SLC28A3: variants seen among roughly 807,000 people sequenced by gnomAD.
SLC28A3 encodes solute carrier family 28 member 3, also known as concentrative Na(+)-nucleoside cotransporter 3.
SLC28A3 carries 68 observed loss-of-function variants against 84.2 expected under a neutral mutation model. The ratio of observed to expected loss-of-function variants is 0.81; its 90% CI spans 0.66 to 0.99. The LOEUF (loss-of-function observed/expected upper bound fraction) is 0.99. SLC28A3 is among the 50% of genes least tolerant of loss of function. The probability of loss-of-function intolerance (pLI) is 0.00; values close to 1 mark genes in which losing one functional copy is unlikely to be tolerated. For missense variants in SLC28A3, 712 were observed against 841.5 expected (o/e 0.85, Z 1.90); for synonymous variants, 267 against 303.6 (o/e 0.88, Z 1.25).
Position 84,290,172 on chromosome 9 carries a change from A to G in SLC28A3, c.1131T>C (p.Gly377=), listed in dbSNP as rs774589116. The change falls in exon 11 of 18, where the codon GGT becomes GGC. Residue 377 remains glycine, a synonymous_variant. Transcript: ENST00000376238. ...GFSTIAGSVL[G]AYISFGVPSS... ...TTCTTACCCCAAAAGAAATGTATGC[A>G]CCTAGCACGCTTCCAGCAATGGTAG... 2.0e-5 allele frequency: 32 copies of G among 1,614,040 alleles called. No homozygotes were observed. Among genetic ancestry groups the G allele is most frequent in the Non-Finnish European group, 2.6e-5 (31 of 1,180,002 alleles).
chr9:84,336,924 C>T (rs1826996170), intron 1 of SLC28A3, among the ~76,000 whole-genome samples: 1 of 152,164 alleles, frequency 6.6e-6, no homozygotes. Context: ...AAGCCCTAAT[C>T]AAATTCTCCC....
chr9:84,285,485 C>T lies in SLC28A3; in HGVS notation c.1507G>A (p.Asp503Asn). The T allele has an allele frequency of 6.2e-7, 1 of 1,614,176 alleles. No individual in the cohort carries two copies. The highest frequency in any genetic ancestry group is 8.5e-7 in the Non-Finnish European group (1 of 1,180,028). Residue 503 changes from aspartate to asparagine, a missense_variant, in exon 14 of 18, where the codon GAC (aspartate) becomes AAC (asparagine). Transcript: ENST00000376238. ...ATGAGTCTGGCAACCATAAAGCTGT[C>T]CTGCCATTCCACTCCCATCATGAAG... ...FSFMMGVEWQ[D>N]SFMVARLIGY...
At chr9:84,318,567 C>T (rs1826250829) in intron 1 of SLC28A3, among the ~76,000 whole-genome samples, 1 of 152,024 alleles carries the variant, frequency 6.6e-6, no homozygotes, top group Admixed American at 6.6e-5. Flanking sequence ...CATGTGAGTC[C>T]TCATAGAATA....
intron 1 of SLC28A3, among the ~76,000 whole-genome samples, chr9:84,325,059 T>C (rs965770393): frequency 2.0e-5 from 3 of 152,254 alleles, no homozygotes; most frequent in African/African-American, 7.2e-5. Context: ...GCTTAACTTA[T>C]CATTGGTTTT....
rs923290744 is a variant in SLC28A3, at chr9:84,276,597, C to T, written c.*1621G>A. Reference sequence around the variant, plus strand: ...ACATTGAGAATGGGGGGAAAACATGCAAATATATTTTCCTAAAATAAAGTC... The same window carrying T: ...ACATTGAGAATGGGGGGAAAACATGTAAATATATTTTCCTAAAATAAAGTC... On this transcript the variant is annotated 3_prime_UTR_variant, in exon 18 of 18. Transcript: ENST00000376238. 1 of 152,056 alleles carries T rather than the reference C, an allele frequency of 6.6e-6. No individual in the cohort carries two copies. The highest frequency in any genetic ancestry group is 2.4e-5 in the African/African-American group (1 of 41,410). 9.4% of individuals were successfully genotyped at this position (152,056 alleles called of 1,614,324 possible).
chr9:84,352,901 A>G, the SLC28A3 span, among the ~76,000 whole-genome samples: 1 of 151,356 alleles, frequency 6.6e-6, no homozygotes, highest in Non-Finnish European at 1.5e-5. Context: ...TCAAAAAAAA[A>G]AAAAAAAAAA....
the SLC28A3 span, among the ~76,000 whole-genome samples, chr9:84,363,180 T>C: frequency 5.4e-5 from 8 of 149,182 alleles, no homozygotes; most frequent in South Asian, 1.5e-3. Context: ...TCTACTAGTA[T>C]GTAAATAAAG....
intron 4 of SLC28A3, among the ~76,000 whole-genome samples, chr9:84,303,717 G>T (rs1295878627): frequency 6.6e-6 from 1 of 152,166 alleles, no homozygotes; most frequent in Non-Finnish European, 1.5e-5. Context: ...AGTCTTGGAG[G>T]ATGCACAGTG....
chr9:84,296,365 G>A (rs1034266094), intron 8 of SLC28A3, among the ~76,000 whole-genome samples: 6 of 152,162 alleles, frequency 3.9e-5, no homozygotes, highest in African/African-American at 1.2e-4. Flanking sequence ...CTGGTTTAAC[G>A]TTTTAGGCTG....
At chr9:84,304,122 A>C (rs1825715994) in intron 4 of SLC28A3, among the ~76,000 whole-genome samples, 1 of 152,212 alleles carries the variant, frequency 6.6e-6, no homozygotes. Flanking sequence ...TCTAGAAATA[A>C]AGTTGTTTTG....
chr9:84,337,868 G>A (rs988743306), intron 1 of SLC28A3, among the ~76,000 whole-genome samples: 27 of 152,022 alleles, frequency 1.8e-4, no homozygotes, highest in African/African-American at 6.3e-4. Flanking sequence ...TGCTCTAGCT[G>A]TGAAATCCTT....
intron 1 of SLC28A3, among the ~76,000 whole-genome samples, chr9:84,328,812 C>T (rs1291122618): frequency 6.6e-6 from 1 of 152,060 alleles, no homozygotes; most frequent in African/African-American, 2.4e-5. Flanking sequence ...CCTGTAGTCC[C>T]AGCTACTCAG....
chr9:84,329,509 T>C (rs950142876), intron 1 of SLC28A3, among the ~76,000 whole-genome samples: 1 of 152,174 alleles, frequency 6.6e-6, no homozygotes, highest in Non-Finnish European at 1.5e-5. Context: ...TGAAAGATAA[T>C]GTGTCTTCCC....
intron 10 of SLC28A3, 116 bp downstream of exon 10, chr9:84,292,552 A>T: frequency 2.7e-6 from 2 of 748,914 alleles, no homozygotes; most frequent in Non-Finnish European, 4.2e-6. Context: ...GGGGTTTCTT[A>T]TTTTGACACC....
At chr9:84,280,348 G>A (rs1450141720) in intron 15 of SLC28A3, among the ~76,000 whole-genome samples, 1 of 152,148 alleles carries the variant, frequency 6.6e-6, no homozygotes, top group Non-Finnish European at 1.5e-5. Flanking sequence ...CATCCAAAGG[G>A]CTATTTATTG....
chr9:84,290,075 C>T lies in SLC28A3; in HGVS notation c.1149+79G>A. The stretch of plus-strand genomic sequence containing the variant: ...ACACTCTCTTGGCCTCCTTTTTCCA[C>T]CAGCAATGGAAAAGAAAAGAAATAA... On this transcript the variant is annotated intron_variant, in intron 11 of 17. Transcript: ENST00000376238. 6.5e-6 allele frequency: 10 copies of T among 1,546,036 alleles called. No homozygotes were observed. The South Asian group carries it at 8.6e-5, about 13-fold the overall frequency.
In SLC28A3 at chr9:84,276,262, A is replaced by G. The variant is rs1037529585; in HGVS notation, c.*1956T>C. On this transcript the variant is annotated 3_prime_UTR_variant, in exon 18 of 18. Coordinates refer to ENST00000376238, the MANE Select transcript of SLC28A3 (RefSeq NM_001199633.2). ...GCAAACCAGACAGACTTAGTTTCATAAGAATGAAAAATATCTTACTGAAAT... is the reference window on the plus strand; with the variant it reads ...GCAAACCAGACAGACTTAGTTTCATGAGAATGAAAAATATCTTACTGAAAT... The G allele has an allele frequency of 6.6e-6, 1 of 152,142 alleles. No homozygotes were observed. The highest frequency in any genetic ancestry group is 1.5e-5 in the Non-Finnish European group (1 of 68,032). 9.4% of individuals were successfully genotyped at this position (152,142 alleles called of 1,614,324 possible). A position where few individuals can be genotyped will look rare whatever the true frequency, so the allele number is the denominator to read the frequency against.
chr9:84,280,322 A>T lies in SLC28A3; in HGVS notation c.1730-249T>A, dbSNP rs544583256. Among the ~76,000 whole-genome samples the T allele has an allele frequency of 1.7e-4, 26 of 152,330 alleles. No individual in the cohort carries two copies. In the South Asian group the frequency reaches 5.2e-3, roughly 30 times the overall value. On this transcript the variant is annotated intron_variant, in intron 15 of 17. Coordinates refer to ENST00000376238, the MANE Select transcript of SLC28A3 (RefSeq NM_001199633.2). Reference sequence around the variant, plus strand: ...TCAAAGGCTCATTCTCCACAGAAGAAAAACCTCCTAAGTTTCATCCAAAGG... The same window carrying T: ...TCAAAGGCTCATTCTCCACAGAAGATAAACCTCCTAAGTTTCATCCAAAGG...
chr9:84,279,954 A>T, intron 16 of SLC28A3, 21 bp downstream of exon 16: 1 of 1,611,648 alleles, frequency 6.2e-7, no homozygotes, highest in Non-Finnish European at 8.5e-7. Flanking sequence ...GCACTGGGAC[A>T]CAAAGGACAG....
Sources: allele counts gnomAD v4.1 joint callset (sites outside exome capture counted in the v4.1 genomes callset), GRCh38; gene constraint gnomAD v4.1.1; transcripts MANE v1.5; gene names NCBI Gene and HGNC (gene_info 2026-07-23, HGNC 2026-07-21).